SCP2: variants seen among roughly 807,000 people sequenced by gnomAD.
The protein encoded by SCP2 is sterol carrier protein 2.
SCP2 carries 48 observed loss-of-function variants against 71.4 expected under a neutral mutation model. The ratio of observed to expected loss-of-function variants is 0.67; its 90% CI spans 0.53 to 0.86. The LOEUF (loss-of-function observed/expected upper bound fraction) is 0.86. SCP2 is among the 40% of genes least tolerant of loss of function. The pLI is 0.00. For synonymous variants in SCP2, 220 were observed against 218.1 expected, an observed-to-expected ratio of 1.01 and a Z score of -0.08; for missense variants, 560 against 655.6, an observed-to-expected ratio of 0.85 and a Z score of 1.59.
At chr1:53,031,648 C>A (rs1379383951) in intron 13 of SCP2, among the ~76,000 whole-genome samples, 1 of 152,196 alleles carries the variant, frequency 6.6e-6, no homozygotes, top group Admixed American at 6.6e-5. Context: ...CTAATGATCT[C>A]CAATTTCACA....
At chr1:52,991,266 T>TC in intron 11 of SCP2, among the ~76,000 whole-genome samples, 1 of 151,972 alleles carries the variant, frequency 6.6e-6, no homozygotes, top group Admixed American at 6.6e-5. Context: ...TATAGTAGAG[T>TC]CCCCCAAAAA....
At chr1:52,930,319 T>TAAA (rs35991712) in intron 1 of SCP2, among the ~76,000 whole-genome samples, 1 of 148,098 alleles carries the variant, frequency 6.8e-6, no homozygotes, top group Admixed American at 6.8e-5. Flanking sequence ...AAGTATATCT[T>TAAA]AAAAAAAAAA....
intron 5 of SCP2, among the ~76,000 whole-genome samples, chr1:52,955,903 A>G (rs754636117): frequency 3.9e-5 from 6 of 152,166 alleles, no homozygotes; most frequent in Non-Finnish European, 7.4e-5. Context: ...TGTTATGTTT[A>G]GAGAAATAAA....
chr1:53,051,469 C>T lies in SCP2; in HGVS notation c.*765C>T, dbSNP rs1664190108. ...GTCCTTTGTTATAATTTTCCTTTTT[C>T]ATGTAAGTTTAATTATCTGCATTTA... On this transcript the variant is annotated 3_prime_UTR_variant, in exon 16 of 16. Transcript: ENST00000371514. 1 of 152,088 alleles carries T rather than the reference C, an allele frequency of 6.6e-6. No homozygotes were observed. Among genetic ancestry groups the T allele is most frequent in the Admixed American group, 6.5e-5 (1 of 15,272 alleles). The allele number at this position is 152,088 out of a possible 1,614,324, so 9.4% of individuals were successfully genotyped here.
chr1:53,013,148 A>G (rs977186588), intron 11 of SCP2, among the ~76,000 whole-genome samples: 4 of 120,296 alleles, frequency 3.3e-5, no homozygotes, highest in African/African-American at 1.3e-4. Flanking sequence ...GTCTCCCCCT[A>G]TAATCTTGCC....
chr1:53,004,714 C>T (rs11206067), intron 11 of SCP2, among the ~76,000 whole-genome samples: 26,497 of 152,106 alleles, frequency 0.17, 4,828 homozygotes, highest in African/African-American at 0.47. Context: ...GCGTGAGTGA[C>T]GCAGAAGATG....
At chr1:53,003,819 A>G (rs1219538868) in intron 11 of SCP2, among the ~76,000 whole-genome samples, 3 of 152,128 alleles carry the variant, frequency 2.0e-5, no homozygotes, top group African/African-American at 7.2e-5. Context: ...GAGTCACCAC[A>G]CCCAGCCCCT....
intron 1 of SCP2, among the ~76,000 whole-genome samples, chr1:52,935,383 ACCAGC>A (rs780694229): frequency 1.3e-5 from 2 of 151,818 alleles, no homozygotes; most frequent in African/African-American, 2.4e-5. Flanking sequence ...GAAATTCGAG[ACCAGC>A]CTGGTCAACA....
chr1:52,954,171 A>G (rs947909540), intron 4 of SCP2, among the ~76,000 whole-genome samples: 2 of 151,268 alleles, frequency 1.3e-5, no homozygotes, highest in Non-Finnish European at 2.9e-5. Context: ...TAGCTGAATG[A>G]GGTGGCACAT....
chr1:53,034,968 G>A (rs1572218220), intron 13 of SCP2, among the ~76,000 whole-genome samples: 1 of 152,102 alleles, frequency 6.6e-6, no homozygotes, highest in South Asian at 2.1e-4. Flanking sequence ...AGCCAGGTGT[G>A]GTGGCGGGCA....
At chr1:53,003,548 T>C (rs1445560148) in intron 11 of SCP2, among the ~76,000 whole-genome samples, 3 of 152,204 alleles carry the variant, frequency 2.0e-5, no homozygotes, top group African/African-American at 7.2e-5. Flanking sequence ...AGTCTTCCTC[T>C]GTTGCCCAGG....
At chr1:53,029,493 A>G (rs1400217567) in intron 13 of SCP2, among the ~76,000 whole-genome samples, 1 of 152,204 alleles carries the variant, frequency 6.6e-6, no homozygotes, top group Non-Finnish European at 1.5e-5. Context: ...TCACAATGCA[A>G]ATTACACATC....
Position 53,014,902 on chromosome 1 carries a change from G to T in SCP2, c.1094G>T (p.Cys365Phe), listed in dbSNP as rs1359222599. The change falls in exon 12 of 16, where the codon TGT becomes TTT. Residue 365 changes from cysteine to phenylalanine, a missense_variant. Transcript: ENST00000371514. ...HPLGATGLAQCAELCWQLRGE... is the reference protein window; with the variant it reads ...HPLGATGLAQFAELCWQLRGE... ...TTCGATTTGTTAGGTCTTGCTCAGT[G>T]TGCAGAACTCTGCTGGCAGCTGAGA... 1 of 1,613,090 alleles carries T rather than the reference G, an allele frequency of 6.2e-7. No homozygotes were observed. Among genetic ancestry groups the T allele is most frequent in the Non-Finnish European group, 8.5e-7 (1 of 1,179,892 alleles).
intron 13 of SCP2, 26 bp downstream of exon 13, chr1:53,028,097 G>C: frequency 7.6e-7 from 1 of 1,323,330 alleles, no homozygotes; most frequent in Non-Finnish European, 1.1e-6. Context: ...AATATTGCCA[G>C]GAAGGACCTT....
intron 12 of SCP2, among the ~76,000 whole-genome samples, chr1:53,026,234 A>G (rs1377524674): frequency 6.6e-6 from 1 of 152,152 alleles, no homozygotes; most frequent in Admixed American, 6.6e-5. Context: ...ATCACCTTAA[A>G]TATTTGTCTT....
At chr1:53,029,950 G>A (rs566871818) in intron 13 of SCP2, among the ~76,000 whole-genome samples, 29 of 151,540 alleles carry the variant, frequency 1.9e-4, no homozygotes, top group Non-Finnish European at 2.6e-4. Flanking sequence ...GTGCAGTGGC[G>A]CGATCTTGGC....
rs1467100820 is a variant in SCP2 at position 52,927,324 on chromosome 1, T to G, written c.-73T>G. 1 of 1,325,934 alleles carries G rather than the reference T, an allele frequency of 7.5e-7. No individual in the cohort carries two copies. The highest frequency in any genetic ancestry group is 1.1e-6 in the Non-Finnish European group (1 of 949,008). The allele number at this position is 1,325,934 out of a possible 1,614,324, so 82.1% of individuals were successfully genotyped here. A position where few individuals can be genotyped will look rare whatever the true frequency, so the allele number is the denominator to read the frequency against. ...GCCCTGGCTTCGGGCTTCAGGGAGC[T>G]CTGGTGCAGTCTCCGCCTGTCAGTG... On this transcript the variant is annotated 5_prime_UTR_variant, in exon 1 of 16. Transcript: ENST00000371514.
intron 13 of SCP2, among the ~76,000 whole-genome samples, chr1:53,033,164 A>G (rs1662673751): frequency 6.6e-6 from 1 of 152,218 alleles, no homozygotes; most frequent in Non-Finnish European, 1.5e-5. Flanking sequence ...GTCCCTGACT[A>G]AATATTTTAG....
chr1:52,999,641 A>G (rs1660171665), intron 11 of SCP2, among the ~76,000 whole-genome samples: 1 of 152,186 alleles, frequency 6.6e-6, no homozygotes, highest in Non-Finnish European at 1.5e-5. Flanking sequence ...GTTTAAAAAC[A>G]TTAATTCCTT....
Sources: allele counts gnomAD v4.1 joint callset (sites outside exome capture counted in the v4.1 genomes callset), GRCh38; gene constraint gnomAD v4.1.1; transcripts MANE v1.5; gene names NCBI Gene and HGNC (gene_info 2026-07-23, HGNC 2026-07-21).